PPP2R3A: variants seen among roughly 807,000 people sequenced by gnomAD.
PPP2R3A encodes the protein protein phosphatase 2 regulatory subunit B''alpha.
PPP2R3A carries 80 observed loss-of-function variants against 106.9 expected under a neutral mutation model. The observed-to-expected ratio is 0.75, with a 90% confidence interval of 0.62 to 0.90. The LOEUF (loss-of-function observed/expected upper bound fraction) is 0.90, where lower values mean the gene tolerates loss of function less well. PPP2R3A is among the 40% of genes least tolerant of loss of function. The pLI is 0.00. For missense variants in PPP2R3A, 1,386 were observed against 1,350.4 expected (o/e 1.03, Z -0.41); for synonymous variants, 483 against 468.3 (o/e 1.03, Z -0.41).
chr3:136,078,305 T>G (rs1196851165), intron 6 of PPP2R3A, 62 bp from the exon 7 acceptor site: 1 of 1,187,174 alleles, frequency 8.4e-7, no homozygotes, highest in Admixed American at 1.9e-5. Context: ...TAAAATGGCC[T>G]TTGAGAAAGT....
rs147734886 is a variant in PPP2R3A at position 136,055,633 on chromosome 3, A to G, written c.2469+6272A>G. ...TGCTGTATTTAACACCTGCCTGCCA[A>G]TGGACAAAGTACTTGATACAGAGGT... On this transcript the variant is annotated intron_variant, in intron 5 of 13. Coordinates refer to ENST00000264977, the MANE Select transcript of PPP2R3A (RefSeq NM_002718.5). The G allele has an allele frequency of 4.1e-4, 552 of 1,349,216 alleles. 2 individuals carry two copies. The African/African-American group carries it at 5.6e-3, about 14-fold the overall frequency. The allele number at this position is 1,349,216 out of a possible 1,614,324, so 83.6% of individuals were successfully genotyped here. A position where few individuals can be genotyped will look rare whatever the true frequency, so the allele number is the denominator to read the frequency against.
intron 13 of PPP2R3A, among the ~76,000 whole-genome samples, chr3:136,137,600 A>G (rs143204657): frequency 0.055 from 6,778 of 122,246 alleles, 520 homozygotes; most frequent in African/African-American, 0.18. Flanking sequence ...GGAGTGCAGT[A>G]GCGCGATCTC....
intron 10 of PPP2R3A, among the ~76,000 whole-genome samples, chr3:136,093,255 G>A (rs568906772): frequency 3.9e-5 from 6 of 152,112 alleles, no homozygotes; most frequent in South Asian, 2.1e-4. Flanking sequence ...CCAGAAATAC[G>A]AAATGTAACC....
In PPP2R3A at chr3:136,092,909, C is replaced by G. The variant is rs533759704; in HGVS notation, c.2927+2242C>G. On this transcript the variant is annotated intron_variant, in intron 10 of 13. Transcript: ENST00000264977. Reference sequence around the variant, plus strand: ...GCCAAAACTGCAATTACTTTTGTACCAACCTTACCTTTGGACCCCTAGTTC... The same window carrying G: ...GCCAAAACTGCAATTACTTTTGTACGAACCTTACCTTTGGACCCCTAGTTC... 3.0e-4 allele frequency among the ~76,000 whole-genome samples: 45 copies of G among 152,142 alleles called. No individual in the cohort carries two copies. In the South Asian group the frequency reaches 7.1e-3, roughly 24 times the overall value.
intron 2 of PPP2R3A, among the ~76,000 whole-genome samples, chr3:136,003,920 T>A (rs114285051): frequency 0.012 from 1,901 of 152,304 alleles, 41 homozygotes; most frequent in African/African-American, 0.044. Flanking sequence ...TGTTACTGCA[T>A]GCCTGTGTAG....
intron 2 of PPP2R3A, 114 bp from the exon 3 acceptor site, chr3:136,026,718 G>A: frequency 4.4e-6 from 4 of 914,246 alleles, no homozygotes; most frequent in Non-Finnish European, 6.5e-6. Context: ...AGAGTACAGT[G>A]AGCCCTTAAT....
intron 4 of PPP2R3A, among the ~76,000 whole-genome samples, chr3:136,047,086 T>C (rs544038030): frequency 6.6e-6 from 1 of 152,290 alleles, no homozygotes; most frequent in African/African-American, 2.4e-5. Flanking sequence ...AATATGGGAT[T>C]ATGTAAAGAG....
At chr3:136,103,478 G>A (rs1189085967) in intron 12 of PPP2R3A, 102 bp downstream of exon 12, 7 of 729,982 alleles carry the variant, frequency 9.6e-6, no homozygotes, top group Non-Finnish European at 1.6e-5. Flanking sequence ...CGGTAAAGAG[G>A]TAACATTTGT....
chr3:136,101,524 A>G (rs540312468), intron 10 of PPP2R3A, among the ~76,000 whole-genome samples: 1 of 152,182 alleles, frequency 6.6e-6, no homozygotes, highest in Non-Finnish European at 1.5e-5. Flanking sequence ...TCCCAGGTTC[A>G]AACAATCCTC....
chr3:135,972,617 C>T (rs74378397), intron 1 of PPP2R3A, among the ~76,000 whole-genome samples: 2,584 of 152,290 alleles, frequency 0.017, 77 homozygotes, highest in African/African-American at 0.06. Context: ...TCCACCTCCT[C>T]GCCAGCACTT....
chr3:136,102,862 G>T (rs78811952), intron 11 of PPP2R3A, among the ~76,000 whole-genome samples: 2,233 of 152,190 alleles, frequency 0.015, 35 homozygotes, highest in Non-Finnish European at 0.022. Flanking sequence ...TTTGGGGGAT[G>T]AAAGAAGATT....
chr3:135,978,659 G>A (rs935037747), intron 1 of PPP2R3A, among the ~76,000 whole-genome samples: 31 of 151,764 alleles, frequency 2.0e-4, no homozygotes, highest in African/African-American at 7.5e-4. Flanking sequence ...AGAGCAGTGT[G>A]AAACCATTTC....
At chr3:135,996,649 C>A (rs1040848586) in intron 1 of PPP2R3A, among the ~76,000 whole-genome samples, 1 of 152,170 alleles carries the variant, frequency 6.6e-6, no homozygotes, top group Non-Finnish European at 1.5e-5. Context: ...CTTCATACTT[C>A]TTTTTGTATT....
chr3:136,050,266 A>G (rs1050081683), intron 5 of PPP2R3A, among the ~76,000 whole-genome samples: 3 of 152,200 alleles, frequency 2.0e-5, no homozygotes, highest in Non-Finnish European at 4.4e-5. Context: ...TTGTATATCC[A>G]TATATTATAC....
At chr3:136,086,627 G>A (rs1936938801) in intron 8 of PPP2R3A, among the ~76,000 whole-genome samples, 1 of 152,058 alleles carries the variant, frequency 6.6e-6, no homozygotes, top group Non-Finnish European at 1.5e-5. Context: ...AAATATCCTT[G>A]CCTTTCCTAT....
intron 8 of PPP2R3A, among the ~76,000 whole-genome samples, chr3:136,082,698 T>C (rs114985272): frequency 0.033 from 5,006 of 152,306 alleles, 294 homozygotes; most frequent in African/African-American, 0.11. Flanking sequence ...TATTTTCTGA[T>C]GATGAATTGA....
intron 13 of PPP2R3A, among the ~76,000 whole-genome samples, chr3:136,129,288 AAGG>A: frequency 6.6e-6 from 1 of 152,332 alleles, no homozygotes; most frequent in South Asian, 2.1e-4. Context: ...ACTAATAAGA[AAGG>A]AGAGAAGAAT....
chr3:136,077,585 G>A (rs990370325), intron 6 of PPP2R3A, among the ~76,000 whole-genome samples: 1 of 131,434 alleles, frequency 7.6e-6, no homozygotes, highest in African/African-American at 2.9e-5. Flanking sequence ...ATCAGTGAAA[G>A]GGAAATGAAG....
chr3:136,022,852 A>G, intron 2 of PPP2R3A: 17 of 1,327,772 alleles, frequency 1.3e-5, no homozygotes, highest in Non-Finnish European at 1.6e-5. Context: ...ATGAGCAGGT[A>G]TTGGGAGCCA....
Sources: allele counts gnomAD v4.1 joint callset (sites outside exome capture counted in the v4.1 genomes callset), GRCh38; gene constraint gnomAD v4.1.1; transcripts MANE v1.5; gene names NCBI Gene and HGNC (gene_info 2026-07-23, HGNC 2026-07-21).